SRGAP2: variants seen among roughly 807,000 people sequenced by gnomAD.
The protein encoded by SRGAP2 is SLIT-ROBO Rho GTPase-activating protein 2.
Under a neutral mutation model 57.2 loss-of-function variants are expected in SRGAP2, and 15 were observed. The observed-to-expected ratio is 0.26, with a 90% CI of 0.18 to 0.40. The LOEUF (loss-of-function observed/expected upper bound fraction) is 0.40. Among genes scored for constraint, SRGAP2 ranks in the 10% least tolerant of loss-of-function variants. The pLI is 1.00. For synonymous variants in SRGAP2, 249 were observed against 248.0 expected, an observed-to-expected ratio of 1.00 and a Z score of -0.04; for missense variants, 520 against 669.6, an observed-to-expected ratio of 0.78 and a Z score of 2.47.
Position 206,409,617 on chromosome 1 carries a change from A to G in SRGAP2, c.1356+3043A>G, listed in dbSNP as rs1659006663. ...GACAACATGGTGAAACCCTGTCTCT[A>G]CTAAAAACACAAAAATTAGCTGGGT... On this transcript the variant is annotated intron_variant, in intron 10 of 22. Coordinates refer to ENST00000573034, the MANE Select transcript of SRGAP2 (RefSeq NM_015326.5). Among the ~76,000 whole-genome samples, 6 of 152,136 alleles carry G rather than the reference A, an allele frequency of 3.9e-5. No individual in the cohort carries two copies. In the South Asian group the frequency reaches 1.2e-3, roughly 32 times the overall value.
chr1:206,371,452 C>T (rs1462214131), intron 4 of SRGAP2, among the ~76,000 whole-genome samples: 4 of 151,692 alleles, frequency 2.6e-5, no homozygotes, highest in Non-Finnish European at 2.9e-5. Flanking sequence ...ATAGATTGGC[C>T]GGGCACGGTG....
rs1387156165 is a variant in SRGAP2 at position 206,402,285 on chromosome 1, G to C, written c.1056+640G>C. Reference sequence around the variant, plus strand: ...CTATCCCAAAGGCCTGATGCTGGTTGCCCAGACAGGGGAGCATGAACATGG... The same window carrying C: ...CTATCCCAAAGGCCTGATGCTGGTTCCCCAGACAGGGGAGCATGAACATGG... On this transcript the variant is annotated intron_variant, in intron 8 of 22. Transcript: ENST00000573034. Among the ~76,000 whole-genome samples the C allele has an allele frequency of 2.0e-5, 3 of 152,192 alleles. No individual in the cohort carries two copies. In the East Asian group the frequency reaches 5.8e-4, roughly 30 times the overall value.
At chr1:206,363,507 C>A (rs1553341004) in intron 4 of SRGAP2, among the ~76,000 whole-genome samples, 1 of 152,048 alleles carries the variant, frequency 6.6e-6, no homozygotes, top group Non-Finnish European at 1.5e-5. Context: ...ATCTCTCAAT[C>A]TTACTGAAAT....
At chr1:206,327,541 TGTA>T (rs1674029120) in intron 3 of SRGAP2, among the ~76,000 whole-genome samples, 1 of 130,390 alleles carries the variant, frequency 7.7e-6, no homozygotes, top group African/African-American at 3.2e-5. Context: ...GATATATAGT[TGTA>T]GAACACTTTC....
intron 2 of SRGAP2, among the ~76,000 whole-genome samples, chr1:206,248,535 A>G (rs1668636903): frequency 6.6e-6 from 1 of 152,126 alleles, no homozygotes; most frequent in Admixed American, 6.5e-5. Context: ...AAGACCTATC[A>G]AACTGCAGAT....
At chr1:206,214,911 C>A (rs1666555559) in intron 2 of SRGAP2, 1 of 152,248 alleles carries the variant, frequency 6.6e-6, no homozygotes, top group Non-Finnish European at 1.5e-5. Flanking sequence ...CTCTATTTCA[C>A]CCACACAGTT....
intron 17 of SRGAP2, among the ~76,000 whole-genome samples, chr1:206,445,781 G>C (rs1320648530): frequency 6.6e-6 from 1 of 152,172 alleles, no homozygotes; most frequent in Non-Finnish European, 1.5e-5. Flanking sequence ...ATAAGATCCG[G>C]GGATAGGGAT....
intron 4 of SRGAP2, among the ~76,000 whole-genome samples, chr1:206,373,099 C>CTT (rs1192726235): frequency 8.0e-4 from 53 of 66,434 alleles, no homozygotes; most frequent in African/African-American, 2.6e-3. Context: ...CTTTTTTTTT[C>CTT]TTTTTTTTTT....
intron 3 of SRGAP2, among the ~76,000 whole-genome samples, chr1:206,307,735 C>T (rs1468415801): frequency 4.0e-5 from 6 of 150,634 alleles, no homozygotes; most frequent in South Asian, 2.1e-4. Context: ...CAGGGCTGGC[C>T]GGCTGCTCCG....
intron 13 of SRGAP2, among the ~76,000 whole-genome samples, chr1:206,429,700 G>A (rs1455048141): frequency 1.3e-5 from 2 of 152,240 alleles, no homozygotes; most frequent in Non-Finnish European, 2.9e-5. Context: ...CTTTGAAAGA[G>A]TTTAAATAAT....
At chr1:206,307,908 AG>A (rs1301884661) in intron 3 of SRGAP2, among the ~76,000 whole-genome samples, 135 of 151,684 alleles carry the variant, frequency 8.9e-4, no homozygotes, top group African/African-American at 2.8e-3. Context: ...CCCACAGTGC[AG>A]GGGGGGGTGC....
chr1:206,460,980 C>T, intron 22 of SRGAP2, 57 bp from the exon 23 acceptor site: 1 of 660,528 alleles, frequency 1.5e-6, no homozygotes. Context: ...TTGAAACCGG[C>T]TCCTTGGGGA....
chr1:206,385,224 G>A (rs1351524661), intron 5 of SRGAP2, among the ~76,000 whole-genome samples: 4 of 137,448 alleles, frequency 2.9e-5, no homozygotes, highest in Non-Finnish European at 6.1e-5. Context: ...GCCAAGCATA[G>A]ATAGATGGTA....
chr1:206,450,440 C>T lies in SRGAP2; in HGVS notation c.2154C>T (p.Thr718=), dbSNP rs782096630. 1.7e-5 allele frequency: 13 copies of T among 780,802 alleles called. No homozygotes were observed. The highest frequency in any genetic ancestry group is 2.4e-5 in the Non-Finnish European group (10 of 417,960). 48.4% of individuals were successfully genotyped at this position (780,802 alleles called of 1,614,324 possible). Residue 718 remains threonine, a synonymous_variant, in exon 19 of 23, where the codon ACC becomes ACT. Coordinates refer to ENST00000573034, the MANE Select transcript of SRGAP2 (RefSeq NM_015326.5). ...TSVEDSTQDV[T]AEHHTSDDEC... ...TTGAAGACTCAACCCAGGATGTGAC[C>T]GCAGAGCACCACACGAGCGATGACG...
intron 3 of SRGAP2, among the ~76,000 whole-genome samples, chr1:206,332,418 C>T (rs1674428690): frequency 6.7e-6 from 1 of 149,824 alleles, no homozygotes. Flanking sequence ...CAACTTGGTT[C>T]CATTCTCCGC....
rs536010619 is a variant in SRGAP2 at position 206,340,633 on chromosome 1, C to T, written c.261-2213C>T. Among the ~76,000 whole-genome samples the T allele has an allele frequency of 2.6e-3, 391 of 150,114 alleles. 2 individuals carry two copies. The highest frequency in any genetic ancestry group is 8.7e-3 in the African/African-American group (354 of 40,846). Reference sequence around the variant, plus strand: ...CTTACTGAGGACATGGGTATCTTGCCGAGAGACACCACTTGATTAAAATGT... The same window carrying T: ...CTTACTGAGGACATGGGTATCTTGCTGAGAGACACCACTTGATTAAAATGT... On this transcript the variant is annotated intron_variant, in intron 3 of 22. Coordinates refer to ENST00000573034, the MANE Select transcript of SRGAP2 (RefSeq NM_015326.5).
chr1:206,241,286 T>A (rs1198072160), intron 2 of SRGAP2, among the ~76,000 whole-genome samples: 2 of 152,230 alleles, frequency 1.3e-5, no homozygotes, highest in African/African-American at 4.8e-5. Flanking sequence ...TAGGTACTCG[T>A]GGAGGACCAC....
chr1:206,389,159 G>A (rs1656639883), intron 5 of SRGAP2, among the ~76,000 whole-genome samples: 1 of 136,934 alleles, frequency 7.3e-6, no homozygotes, highest in Non-Finnish European at 1.5e-5. Context: ...ACTGTTCTCA[G>A]ACTTCCTTTT....
intron 3 of SRGAP2, among the ~76,000 whole-genome samples, chr1:206,314,745 G>A (rs1197866653): frequency 6.6e-6 from 1 of 151,308 alleles, no homozygotes; most frequent in African/African-American, 2.4e-5. Flanking sequence ...ATTACAGAGT[G>A]TATAAAGGAA....
Sources: gnomAD v4.1 joint callset for allele counts (sites outside exome capture counted in the v4.1 genomes callset) on GRCh38, gnomAD v4.1.1 for gene constraint, MANE v1.5 for transcripts, NCBI Gene and HGNC (gene_info 2026-07-23, HGNC 2026-07-21) for gene names.